PIK3CG: variants seen among roughly 807,000 people sequenced by gnomAD.
The protein encoded by PIK3CG is phosphatidylinositol 4,5-bisphosphate 3-kinase catalytic subunit gamma isoform.
In PIK3CG, 55 loss-of-function variants were observed where a neutral mutation model predicts 102.3. The ratio of observed to expected loss-of-function variants is 0.54; its 90% CI spans 0.43 to 0.67. PIK3CG has a LOEUF of 0.67. Among genes scored for constraint, PIK3CG ranks in the 30% least tolerant of loss-of-function variants. The pLI is 0.00. For synonymous variants in PIK3CG, 552 were observed against 540.0 expected, an observed-to-expected ratio of 1.02 and a Z score of -0.31; for missense variants, 1,258 against 1,391.8, an observed-to-expected ratio of 0.90 and a Z score of 1.53.
At position 106,900,309 on chromosome 7, in the gene PIK3CG, G is replaced by A. The variant is rs1186094309; in HGVS notation, c.3031-4800G>A. Among the ~76,000 whole-genome samples, 49 of 152,224 alleles carry A rather than the reference G, an allele frequency of 3.2e-4. 3 individuals carry two copies. Among genetic ancestry groups the A allele is most frequent in the Admixed American group, 2.8e-3 (43 of 15,288 alleles). ...GTTGAATTGAACCCATTACCATTATGTAATGCCATTCTTTGTCTTTTTTGA... is the reference window on the plus strand; with the variant it reads ...GTTGAATTGAACCCATTACCATTATATAATGCCATTCTTTGTCTTTTTTGA... On this transcript the variant is annotated intron_variant, in intron 10 of 10. Transcript: ENST00000496166.
In PIK3CG at chr7:106,874,565, AC is replaced by A; in HGVS notation, c.2288-132del. On this transcript the variant is annotated intron_variant, in intron 4 of 10. Transcript: ENST00000496166. The surrounding 1 kb of genome is among the most constrained non-coding windows in gnomAD (Gnocchi z 4.3). ...GGTTAGCTCCTCAAAGGCAGGGCCCACCCACATTTCTCCTGCTCTACACCAG... is the reference window on the plus strand; with the variant it reads ...GGTTAGCTCCTCAAAGGCAGGGCCCACCACATTTCTCCTGCTCTACACCAG... The A allele has an allele frequency of 1.5e-6, 1 of 656,560 alleles. No individual in the cohort carries two copies. The highest frequency in any genetic ancestry group is 2.7e-5 in the Admixed American group (1 of 36,374). The allele number at this position is 656,560 out of a possible 1,614,324, so 40.7% of individuals were successfully genotyped here.
At chr7:106,896,641 G>A (rs1791416230) in intron 10 of PIK3CG, among the ~76,000 whole-genome samples, 1 of 152,170 alleles carries the variant, frequency 6.6e-6, no homozygotes, top group Non-Finnish European at 1.5e-5. Flanking sequence ...CAGGGGACAA[G>A]TGATGGCTGG....
intron 10 of PIK3CG, among the ~76,000 whole-genome samples, chr7:106,898,639 T>A (rs1791466601): frequency 6.6e-6 from 1 of 152,168 alleles, no homozygotes; most frequent in African/African-American, 2.4e-5. Flanking sequence ...ATAGGGAGTC[T>A]TTTCCTTGTT....
At chr7:106,876,397 T>TG (rs1790740967) in intron 5 of PIK3CG, among the ~76,000 whole-genome samples, 1 of 45,578 alleles carries the variant, frequency 2.2e-5, no homozygotes, top group Non-Finnish European at 4.7e-5. Context: ...GGTTGCCTTC[T>TG]TTTTTTTTTT....
At chr7:106,878,338 G>T (rs563639665) in intron 5 of PIK3CG, among the ~76,000 whole-genome samples, 1 of 152,092 alleles carries the variant, frequency 6.6e-6, no homozygotes, top group Non-Finnish European at 1.5e-5. Flanking sequence ...CCTGGTATGG[G>T]TTTCCTTTGT....
At position 106,879,208 on chromosome 7, in the gene PIK3CG, G is replaced by T. The variant is rs1790859852; in HGVS notation, c.2392-311G>T. ...TTGCTGTCTATTAAAGAGGATGTGG[G>T]AGTGTCAGAGCTCTGTGTGCGTGGG... On this transcript the variant is annotated intron_variant, in intron 5 of 10. Transcript: ENST00000496166. The surrounding 1 kb of genome is among the most constrained non-coding windows in gnomAD (Gnocchi z 4.9). Among the ~76,000 whole-genome samples the T allele has an allele frequency of 6.6e-6, 1 of 152,276 alleles. No individual in the cohort carries two copies. The highest frequency in any genetic ancestry group is 1.9e-4 in the East Asian group (1 of 5,194).
rs1055983906 is a variant in PIK3CG, at chr7:106,872,426, T to C, written c.1996-111T>C. The C allele has an allele frequency of 1.6e-5, 13 of 835,874 alleles. No individual in the cohort carries two copies. Among genetic ancestry groups the C allele is most frequent in the Non-Finnish European group, 2.4e-5 (12 of 500,020 alleles). 51.8% of individuals were successfully genotyped at this position (835,874 alleles called of 1,614,324 possible). On this transcript the variant is annotated intron_variant, in intron 2 of 10. Coordinates refer to ENST00000496166, the MANE Select transcript of PIK3CG (RefSeq NM_001282426.2). The surrounding 1 kb of genome is among the most constrained non-coding windows in gnomAD (Gnocchi z 5.3). ...AAGTGACTGTTAAGATTTTCATCTT[T>C]CTAGCCGTGAAGACCCAGTAAAGCA...
chr7:106,873,717 C>CTGTG lies in PIK3CG; in HGVS notation c.2287+794_2287+797dup, dbSNP rs143014145. ...CAGACAGCAAGAGACGACTCTGTAT[C>CTGTG]TGTGTGTGTGTGTGTGTGCATAAAG... On this transcript the variant is annotated intron_variant, in intron 4 of 10. Transcript: ENST00000496166. Among the ~76,000 whole-genome samples the CTGTG allele has an allele frequency of 3.4e-4, 51 of 149,592 alleles. 1 individual carries two copies. The highest frequency in any genetic ancestry group is 9.5e-4 in the African/African-American group (39 of 40,900).
At chr7:106,889,235 A>G (rs948533537) in intron 10 of PIK3CG, among the ~76,000 whole-genome samples, 4 of 152,164 alleles carry the variant, frequency 2.6e-5, no homozygotes, top group African/African-American at 9.7e-5. Context: ...CACAACAGGA[A>G]AAAAACCTGA....
intron 10 of PIK3CG, among the ~76,000 whole-genome samples, chr7:106,900,420 C>T (rs1791515995): frequency 6.6e-6 from 1 of 152,074 alleles, no homozygotes; most frequent in South Asian, 2.1e-4. Context: ...GTATATTTTC[C>T]TCCATCCCTT....
intron 10 of PIK3CG, among the ~76,000 whole-genome samples, chr7:106,901,196 T>C (rs1266132878): frequency 6.6e-6 from 1 of 152,168 alleles, no homozygotes; most frequent in African/African-American, 2.4e-5. Flanking sequence ...TGCCAGTGAT[T>C]CGTAGATTTG....
Position 106,869,232 on chromosome 7 carries a change from G to A in PIK3CG, c.1671G>A (p.Ala557=), listed in dbSNP as rs267601222. Residue 557 remains alanine (A), a synonymous_variant, in exon 2 of 11, where the codon GCG becomes GCA. Transcript: ENST00000496166. This position sits in a 1 kb window ranked among gnomAD's most constrained non-coding sequence, Gnocchi z 5.3. ...MPNQLRKQLE[A]IIATDPLNPL... ...ACCAGCTTCGCAAGCAATTGGAGGC[G>A]ATCATAGCCACTGATCCACTTAACC... The A allele has an allele frequency of 4.3e-5, 70 of 1,614,180 alleles. No individual in the cohort carries two copies. In the South Asian group the frequency reaches 6.1e-4, roughly 14 times the overall value.
chr7:106,892,890 GA>G lies in PIK3CG; in HGVS notation c.3030+6602del, dbSNP rs1232989292. 4.6e-5 allele frequency among the ~76,000 whole-genome samples: 7 copies of G among 152,178 alleles called. No homozygotes were observed. The highest frequency in any genetic ancestry group is 1.7e-4 in the African/African-American group (7 of 41,438). ...CAGCACGAGCAAGTGCATGAAGTTA[GA>G]AAAGTACATACAATCAGTATTTAGG... On this transcript the variant is annotated intron_variant, in intron 10 of 10. Transcript: ENST00000496166. This position sits in a 1 kb window ranked among gnomAD's most constrained non-coding sequence, Gnocchi z 5.2.
At position 106,906,060 on chromosome 7, in the gene PIK3CG, CTT is replaced by C. The variant is rs1791676757; in HGVS notation, c.*677_*678del. 1 of 226,102 alleles carries C rather than the reference CTT, an allele frequency of 4.4e-6. No individual in the cohort carries two copies. The highest frequency in any genetic ancestry group is 8.7e-6 in the Non-Finnish European group (1 of 114,528). The allele number at this position is 226,102 out of a possible 1,614,324, so 14.0% of individuals were successfully genotyped here. A position where few individuals can be genotyped will look rare whatever the true frequency, so the allele number is the denominator to read the frequency against. ...TGAATATGAAAAAATAGAGATGAGA[CTT>C]TTTGTGTCAACTCTGTCCACAAGAG... On this transcript the variant is annotated 3_prime_UTR_variant, in exon 11 of 11. Coordinates refer to ENST00000496166, the MANE Select transcript of PIK3CG (RefSeq NM_001282426.2).
At position 106,877,839 on chromosome 7, in the gene PIK3CG, AC is replaced by A. The variant is rs1043244414; in HGVS notation, c.2392-1675del. Among the ~76,000 whole-genome samples, 1 of 151,888 alleles carries A rather than the reference AC, an allele frequency of 6.6e-6. No individual in the cohort carries two copies. The highest frequency in any genetic ancestry group is 1.5e-5 in the Non-Finnish European group (1 of 67,992). Reference sequence around the variant, plus strand: ...TACAGGCAACAGTATACTTCCATTAACCCCCGCATCCTTTGCATTATTTTTA... The same window carrying A: ...TACAGGCAACAGTATACTTCCATTAACCCCGCATCCTTTGCATTATTTTTA... On this transcript the variant is annotated intron_variant, in intron 5 of 10. Transcript: ENST00000496166. This position sits in a 1 kb window ranked among gnomAD's most constrained non-coding sequence, Gnocchi z 4.5.
At chr7:106,871,675 A>T (rs78629040) in intron 2 of PIK3CG, among the ~76,000 whole-genome samples, 1 of 100,792 alleles carries the variant, frequency 9.9e-6, no homozygotes, top group African/African-American at 3.6e-5. Flanking sequence ...GAACAATGTT[A>T]GTGTTGCTGC....
rs2116443660 is a variant in PIK3CG at position 106,868,556 on chromosome 7, T to C, written c.995T>C (p.Val332Ala). The change falls in exon 2 of 11, where the codon GTC becomes GCC. Residue 332 changes from valine to alanine, a missense_variant. Val to Ala is a moderately conservative substitution (Grantham distance 64). Coordinates refer to ENST00000496166, the MANE Select transcript of PIK3CG (RefSeq NM_001282426.2). The surrounding 1 kb of genome is among the most constrained non-coding windows in gnomAD (Gnocchi z 6.2). ...EWPLVDDCTG[V>A]TGYHEQLTIH... Reference sequence around the variant, plus strand: ...CCACTGGTGGATGACTGCACGGGAGTCACCGGCTACCATGAGCAGCTTACC... The same window carrying C: ...CCACTGGTGGATGACTGCACGGGAGCCACCGGCTACCATGAGCAGCTTACC... 1 of 1,613,708 alleles carries C rather than the reference T, an allele frequency of 6.2e-7. No individual in the cohort carries two copies. Among genetic ancestry groups the C allele is most frequent in the Non-Finnish European group, 8.5e-7 (1 of 1,179,968 alleles).
rs849389 is a variant in PIK3CG, at chr7:106,868,533, A to G, written c.972A>G (p.Pro324=). ...ACGAGGTGAGGAAGGAAGAGTGGCC[A>G]CTGGTGGATGACTGCACGGGAGTCA... The part of the protein sequence containing the change: ...ALDEVRKEEW[P]LVDDCTGVTG... The change falls in exon 2 of 11, where the codon CCA becomes CCG. Residue 324 remains proline (P), a synonymous_variant. Coordinates refer to ENST00000496166, the MANE Select transcript of PIK3CG (RefSeq NM_001282426.2). The surrounding 1 kb of genome is among the most constrained non-coding windows in gnomAD (Gnocchi z 6.2). The G allele has an allele frequency of 0.95, 1,529,688 of 1,613,710 alleles. 725,527 individuals carry two copies. The highest frequency in any genetic ancestry group is 1 in the East Asian group (44,748 of 44,824).
intron 2 of PIK3CG, among the ~76,000 whole-genome samples, chr7:106,871,981 C>G (rs1014893969): frequency 5.3e-5 from 8 of 152,298 alleles, no homozygotes; most frequent in Non-Finnish European, 1.0e-4. Flanking sequence ...GTGGATTGAT[C>G]TAGAGCCACT....
Sources: allele counts gnomAD v4.1 joint callset (sites outside exome capture counted in the v4.1 genomes callset), GRCh38; gene constraint gnomAD v4.1.1; non-coding constraint Gnocchi (gnomAD v3.1); transcripts MANE v1.5; gene names NCBI Gene and HGNC (gene_info 2026-07-23, HGNC 2026-07-21).